DLG2: variants seen among roughly 807,000 people sequenced by gnomAD.
DLG2 encodes disks large homolog 2.
In DLG2, 45 loss-of-function variants were observed where a neutral mutation model predicts 132.5. The ratio of observed to expected loss-of-function variants is 0.34; its 90% CI spans 0.27 to 0.44. DLG2 has a LOEUF of 0.44. Among genes scored for constraint, DLG2 ranks in the 20% least tolerant of loss-of-function variants. DLG2 has a pLI of 1.00. For synonymous variants in DLG2, 424 were observed against 419.6 expected, an observed-to-expected ratio of 1.01 and a Z score of -0.13; for missense variants, 1,045 against 1,196.9, an observed-to-expected ratio of 0.87 and a Z score of 1.87.
chr11:84,402,988 C>T (rs796736210), intron 7 of DLG2, among the ~76,000 whole-genome samples: 1 of 145,150 alleles, frequency 6.9e-6, no homozygotes, highest in Non-Finnish European at 1.5e-5. Context: ...CATTCCCCCA[C>T]TCCAATTCTC....
At chr11:83,792,471 T>A (rs112292148) in intron 17 of DLG2, among the ~76,000 whole-genome samples, 3 of 152,172 alleles carry the variant, frequency 2.0e-5, no homozygotes, top group Admixed American at 6.5e-5. Context: ...AAAGGCTCCC[T>A]TACCTCCTAT....
intron 7 of DLG2, among the ~76,000 whole-genome samples, chr11:84,313,638 AG>A (rs1164164157): frequency 3.0e-5 from 4 of 131,288 alleles, no homozygotes; most frequent in African/African-American, 8.5e-5. Flanking sequence ...AAGGAAAGAG[AG>A]AAAAAGAAAG....
At chr11:85,559,136 G>A (rs2077085842) in intron 3 of DLG2, among the ~76,000 whole-genome samples, 1 of 150,816 alleles carries the variant, frequency 6.6e-6, no homozygotes, top group South Asian at 2.1e-4. Flanking sequence ...CATATTATAT[G>A]GCTTCCATTA....
chr11:85,080,153 T>C (rs2067057376), intron 6 of DLG2, among the ~76,000 whole-genome samples: 1 of 152,118 alleles, frequency 6.6e-6, no homozygotes, highest in South Asian at 2.1e-4. Flanking sequence ...TCTGTGATAG[T>C]ACCTGAACCA....
At chr11:84,485,992 A>G (rs2099149761) in intron 7 of DLG2, among the ~76,000 whole-genome samples, 1 of 152,156 alleles carries the variant, frequency 6.6e-6, no homozygotes, top group African/African-American at 2.4e-5. Context: ...CGGTGTCAGG[A>G]AAGAGAATGG....
At chr11:83,792,280 C>T (rs186714787) in intron 17 of DLG2, among the ~76,000 whole-genome samples, 34 of 151,872 alleles carry the variant, frequency 2.2e-4, no homozygotes, top group Non-Finnish European at 4.1e-4. Flanking sequence ...TTTTAATTTG[C>T]TATTGCACAT....
At chr11:84,362,870 TGG>T (rs2098658233) in intron 7 of DLG2, among the ~76,000 whole-genome samples, 1 of 152,202 alleles carries the variant, frequency 6.6e-6, no homozygotes, top group Non-Finnish European at 1.5e-5. Flanking sequence ...TAGTATTCCA[TGG>T]TGTATATGTG....
intron 3 of DLG2, among the ~76,000 whole-genome samples, chr11:85,482,901 T>C (rs75241738): frequency 0.015 from 2,300 of 152,318 alleles, 55 homozygotes; most frequent in African/African-American, 0.051. Flanking sequence ...GGTTCCATGA[T>C]AGCCTTTGTG....
chr11:83,507,757 A>ATTAT (rs2094792826), intron 21 of DLG2, among the ~76,000 whole-genome samples: 1 of 78,434 alleles, frequency 1.3e-5, no homozygotes, highest in Non-Finnish European at 2.3e-5. Context: ...ATATATTTTT[A>ATTAT]TTATATATAT....
chr11:85,381,270 A>C (rs1565405979), intron 3 of DLG2, among the ~76,000 whole-genome samples: 1 of 152,170 alleles, frequency 6.6e-6, no homozygotes, highest in Non-Finnish European at 1.5e-5. Context: ...GAAGTTTCCT[A>C]ATATTTGTAT....
At chr11:84,873,369 A>C (rs2085796015) in intron 6 of DLG2, among the ~76,000 whole-genome samples, 1 of 152,254 alleles carries the variant, frequency 6.6e-6, no homozygotes, top group African/African-American at 2.4e-5. Flanking sequence ...TCCAAAAGGA[A>C]CACAGCCCTG....
chr11:84,015,743 C>T (rs999628816), intron 11 of DLG2, among the ~76,000 whole-genome samples: 5 of 152,154 alleles, frequency 3.3e-5, no homozygotes, highest in Non-Finnish European at 7.3e-5. Context: ...GCATAGCATT[C>T]CATGGTGTAT....
intron 19 of DLG2, among the ~76,000 whole-genome samples, chr11:83,607,037 TCA>T (rs1284225302): frequency 6.6e-6 from 1 of 152,244 alleles, no homozygotes; most frequent in African/African-American, 2.4e-5. Context: ...CACAGCGGGC[TCA>T]GAGACTCTAG....
chr11:84,317,820 T>C (rs952219627), intron 7 of DLG2, among the ~76,000 whole-genome samples: 7 of 152,194 alleles, frequency 4.6e-5, no homozygotes, highest in Non-Finnish European at 8.8e-5. Flanking sequence ...GGAAAAATCA[T>C]TGAGGTCACA....
intron 3 of DLG2, chr11:85,453,294 C>T (rs2092313233): frequency 3.5e-6 from 1 of 284,400 alleles, no homozygotes. Context: ...ATATGAATCT[C>T]TTTGAGCTAA....
intron 6 of DLG2, among the ~76,000 whole-genome samples, chr11:84,932,227 T>A (rs2048177959): frequency 6.6e-6 from 1 of 152,202 alleles, no homozygotes; most frequent in Non-Finnish European, 1.5e-5. Context: ...GCCTAGGTTG[T>A]CTTCCAGGGT....
At chr11:84,971,542 AT>A (rs1343577727) in intron 6 of DLG2, among the ~76,000 whole-genome samples, 1 of 152,216 alleles carries the variant, frequency 6.6e-6, no homozygotes, top group Non-Finnish European at 1.5e-5. Context: ...CTCAATTTCA[AT>A]TGCAGGCAAA....
Position 84,962,229 on chromosome 11 carries a change from G to A in DLG2, c.357+149432C>T, listed in dbSNP as rs187866095. The stretch of plus-strand genomic sequence containing the variant: ...AGAAAAGAAAACTGAAACTTCACGA[G>A]GGAGAGTAACTTGCTCCAGATTAAA... On this transcript the variant is annotated intron_variant, in intron 6 of 27. Coordinates refer to ENST00000376104, the MANE Select transcript of DLG2 (RefSeq NM_001142699.3). 1.0e-3 allele frequency among the ~76,000 whole-genome samples: 157 copies of A among 152,328 alleles called. 1 individual carries two copies. The highest frequency in any genetic ancestry group is 3.5e-3 in the African/African-American group (146 of 41,572).
intron 19 of DLG2, among the ~76,000 whole-genome samples, chr11:83,545,826 C>T (rs1427441607): frequency 1.3e-5 from 2 of 152,126 alleles, no homozygotes; most frequent in Non-Finnish European, 2.9e-5. Flanking sequence ...TCCCTAAAAC[C>T]AAGCAGCTGA....
Sources: allele counts gnomAD v4.1 joint callset (sites outside exome capture counted in the v4.1 genomes callset), GRCh38; gene constraint gnomAD v4.1.1; transcripts MANE v1.5; gene names NCBI Gene and HGNC (gene_info 2026-07-23, HGNC 2026-07-21).